The following AP2B1 variants were observed in gnomAD, a reference collection of about 807,000 sequenced individuals.
AP2B1 encodes adaptor related protein complex 2 subunit beta 1.
Under a neutral mutation model 102.0 loss-of-function variants are expected in AP2B1, and 23 were observed. The ratio of observed to expected loss-of-function variants is 0.23; its 90% confidence interval spans 0.16 to 0.32. The LOEUF is 0.32. Ranked by LOEUF, AP2B1 falls within the 10% of genes least tolerant of loss-of-function variation. AP2B1 has a pLI of 1.00. For synonymous variants in AP2B1, 381 were observed against 421.2 expected (o/e 0.90, Z 1.17); for missense variants, 541 against 1,157.4 (o/e 0.47, Z 7.73).
Position 35,608,311 on chromosome 17 carries a change from A to G in AP2B1, c.449A>G (p.Asp150Gly), listed in dbSNP as rs1265299702. The change falls in exon 5 of 22, where the codon GAT (aspartate) becomes GGT (glycine). Residue 150 changes from aspartate (D) to glycine (G), a missense_variant. Asp to Gly is a moderately conservative substitution (Grantham distance 94). Coordinates refer to ENST00000610402, the MANE Select transcript of AP2B1 (RefSeq NM_001030006.2). ...TAAVCVAKLHDINAQMVEDQG... is the reference protein window; with the variant it reads ...TAAVCVAKLHGINAQMVEDQG... Reference sequence around the variant, plus strand: ...GCAGTCTGCGTGGCAAAACTCCATGATATCAATGCCCAAATGGTGGAAGAT... The same window carrying G: ...GCAGTCTGCGTGGCAAAACTCCATGGTATCAATGCCCAAATGGTGGAAGAT... The G allele has an allele frequency of 1.2e-6, 2 of 1,614,078 alleles. No individual in the cohort carries two copies. The highest frequency in any genetic ancestry group is 1.1e-5 in the South Asian group (1 of 91,088).
In AP2B1 at chr17:35,720,573, ATTTTT is replaced by A. The variant is rs1208973388; in HGVS notation, c.2782-3029_2782-3025del. On this transcript the variant is annotated intron_variant, in intron 21 of 21. Coordinates refer to ENST00000610402, the MANE Select transcript of AP2B1 (RefSeq NM_001030006.2). ...TATATATATATATATATATATATAT[ATTTTT>A]TTTTTTTTTTTTTTTTTTTTTTAAT... Among the ~76,000 whole-genome samples the A allele has an allele frequency of 7.3e-3, 205 of 27,930 alleles. 1 individual carries two copies. The highest frequency in any genetic ancestry group is 9.1e-3 in the Admixed American group (15 of 1,640). 18.3% of individuals were successfully genotyped at this position (27,930 alleles called of 152,430 possible).
chr17:35,641,768 A>C (rs1468938674), intron 11 of AP2B1, 109 bp from the exon 12 acceptor site: 1 of 689,826 alleles, frequency 1.4e-6, no homozygotes, highest in Non-Finnish European at 2.3e-6. Context: ...AACCAAAATC[A>C]GAAAGGCTCC....
intron 18 of AP2B1, among the ~76,000 whole-genome samples, chr17:35,699,687 A>G (rs912736436): frequency 9.9e-5 from 15 of 152,216 alleles, no homozygotes; most frequent in African/African-American, 3.6e-4. Context: ...ACTGTCTAAT[A>G]TCATAAATAG....
intron 18 of AP2B1, among the ~76,000 whole-genome samples, chr17:35,690,145 C>T (rs1364029986): frequency 6.6e-6 from 1 of 152,006 alleles, no homozygotes; most frequent in Non-Finnish European, 1.5e-5. Context: ...CTTTTTTTCT[C>T]TCCGTTCTTC....
Position 35,624,393 on chromosome 17 carries a change from C to G in AP2B1, c.526-4C>G. ...AATCAAGGTCATACCCCCTTCTTTT[C>G]CAGGTGGTGGCTAATGCCGTAGCGG... On this transcript the variant is annotated splice_region_variant and splice_polypyrimidine_tract_variant and intron_variant, in intron 5 of 21. Transcript: ENST00000610402. 6.2e-7 allele frequency: 1 copy of G among 1,613,660 alleles called. No homozygotes were observed.
intron 18 of AP2B1, among the ~76,000 whole-genome samples, chr17:35,699,305 C>T (rs1183962078): frequency 3.9e-5 from 6 of 152,196 alleles, no homozygotes; most frequent in Non-Finnish European, 7.3e-5. Context: ...AAACTTCAAA[C>T]GCTGAAGTGC....
intron 2 of AP2B1, among the ~76,000 whole-genome samples, chr17:35,597,626 T>C (rs2073336838): frequency 6.6e-6 from 1 of 152,254 alleles, no homozygotes; most frequent in African/African-American, 2.4e-5. Flanking sequence ...CTTAAAGGTA[T>C]AAATATGAGT....
intron 2 of AP2B1, among the ~76,000 whole-genome samples, chr17:35,595,798 T>G (rs1182676047): frequency 6.6e-6 from 1 of 152,230 alleles, no homozygotes; most frequent in Non-Finnish European, 1.5e-5. Context: ...CACTTGTCAT[T>G]CAGTCTCAGC....
intron 17 of AP2B1, among the ~76,000 whole-genome samples, 179 bp from the exon 18 acceptor site, chr17:35,682,516 G>C (rs940005484): frequency 1.3e-5 from 2 of 151,326 alleles, no homozygotes; most frequent in Non-Finnish European, 2.9e-5. Context: ...CTAATGTTTT[G>C]TATTTTTAGT....
chr17:35,667,139 C>T (rs1402540549), intron 14 of AP2B1, among the ~76,000 whole-genome samples: 2 of 152,124 alleles, frequency 1.3e-5, no homozygotes, highest in African/African-American at 4.8e-5. Flanking sequence ...CTGGGTAATT[C>T]GCTTCCATTC....
intron 18 of AP2B1, among the ~76,000 whole-genome samples, chr17:35,706,161 T>C (rs954237053): frequency 1.1e-4 from 17 of 152,278 alleles, no homozygotes; most frequent in Middle Eastern, 3.4e-3. Flanking sequence ...TGGCAAAATG[T>C]TGTGTGTACA....
At chr17:35,705,775 G>A (rs1568026476) in intron 18 of AP2B1, among the ~76,000 whole-genome samples, 1 of 152,090 alleles carries the variant, frequency 6.6e-6, no homozygotes, top group South Asian at 2.1e-4. Flanking sequence ...GCCTGCCTCA[G>A]CTTCCCAAGG....
At position 35,667,796 on chromosome 17, in the gene AP2B1, G is replaced by A. The variant is rs536351216; in HGVS notation, c.1990-3061G>A. Among the ~76,000 whole-genome samples the A allele has an allele frequency of 5.5e-3, 831 of 152,196 alleles. 3 individuals are homozygous for A. The highest frequency in any genetic ancestry group is 0.02 in the Middle Eastern group (6 of 294). The stretch of plus-strand genomic sequence containing the variant: ...TATCTCTTTGAATCTTGGATTATAA[G>A]CCTAGCCAGAAGAGGGGAGAATAAG... On this transcript the variant is annotated intron_variant, in intron 14 of 21. Coordinates refer to ENST00000610402, the MANE Select transcript of AP2B1 (RefSeq NM_001030006.2).
intron 13 of AP2B1, among the ~76,000 whole-genome samples, chr17:35,657,148 A>G (rs1265312413): frequency 7.3e-4 from 111 of 152,114 alleles, no homozygotes; most frequent in Admixed American, 7.2e-3. Context: ...TTTCTCTCTC[A>G]TATCCTATCA....
rs377410712 is a variant in AP2B1 at position 35,624,591 on chromosome 17, A to G, written c.716+4A>G. ...AAGATGATCGGGAGGCTCAGAGGTC[A>G]GTCTGTTTTCCTGGCTACTTTCTGG... On this transcript the variant is annotated splice_donor_region_variant and intron_variant, in intron 6 of 21. Transcript: ENST00000610402. 18 of 1,607,730 alleles carry G rather than the reference A, an allele frequency of 1.1e-5. No homozygotes were observed. Among genetic ancestry groups the G allele is most frequent in the Admixed American group, 1.7e-5 (1 of 58,878 alleles).
At chr17:35,676,315 T>C (rs527488981) in intron 17 of AP2B1, among the ~76,000 whole-genome samples, 1 of 152,206 alleles carries the variant, frequency 6.6e-6, no homozygotes, top group African/African-American at 2.4e-5. Flanking sequence ...TCCTTGTTCT[T>C]TGTAAGTCAG....
intron 18 of AP2B1, among the ~76,000 whole-genome samples, chr17:35,706,068 G>A (rs2076334931): frequency 6.6e-6 from 1 of 152,090 alleles, no homozygotes; most frequent in Non-Finnish European, 1.5e-5. Flanking sequence ...CTGATGTGTG[G>A]GTATCCTAGC....
In AP2B1 at chr17:35,672,243, C is replaced by T. The variant is rs542652810; in HGVS notation, c.2178+343C>T. On this transcript the variant is annotated intron_variant, in intron 16 of 21. Transcript: ENST00000610402. ...GCAGGAGAAAAAAATGCAGAGAAGT[C>T]ATTTCTCTTATTCCTCTTTCCCCAT... Among the ~76,000 whole-genome samples the T allele has an allele frequency of 5.1e-4, 77 of 152,262 alleles. 3 individuals carry two copies. The South Asian group carries it at 0.014, about 27-fold the overall frequency.
chr17:35,627,245 C>CTGTTTT, intron 7 of AP2B1, 140 bp from the exon 8 acceptor site: 1 of 177,786 alleles, frequency 5.6e-6, no homozygotes, highest in Admixed American at 8.0e-5. Context: ...GAAGTTTATG[C>CTGTTTT]TTTTTTTTTT....
Sources: allele counts gnomAD v4.1 joint callset (sites outside exome capture counted in the v4.1 genomes callset), GRCh38; gene constraint gnomAD v4.1.1; transcripts MANE v1.5; gene names NCBI Gene and HGNC (gene_info 2026-07-23, HGNC 2026-07-21).